Variants in IPO13 observed in about 807,000 individuals in gnomAD.
IPO13 encodes the protein importin 13.
In IPO13, 28 loss-of-function variants were observed where a neutral mutation model predicts 115.5. The observed-to-expected ratio is 0.24, with a 90% confidence interval of 0.18 to 0.33. IPO13 has a LOEUF of 0.33. Ranked by LOEUF, IPO13 falls within the 10% of genes least tolerant of loss-of-function variation. The pLI, the probability that IPO13 is intolerant of heterozygous loss-of-function variation, is 1.00. For synonymous variants in IPO13, 414 were observed against 478.9 expected (o/e 0.86, Z 1.77); for missense variants, 785 against 1,204.6 (o/e 0.65, Z 5.16).
At position 43,953,987 on chromosome 1, in the gene IPO13, G is replaced by A. The variant is rs550405454; in HGVS notation, c.822-2333G>A. Among the ~76,000 whole-genome samples, 6 of 152,194 alleles carry A rather than the reference G, an allele frequency of 3.9e-5. No homozygotes were observed. The East Asian group carries it at 7.7e-4, about 20-fold the overall frequency. On this transcript the variant is annotated intron_variant, in intron 2 of 19. Transcript: ENST00000372343. ...TGATATGATACTCTGAGCTCTTTGAGGCTGTATTATCCTTGATTTGTCCTA... is the reference window on the plus strand; with the variant it reads ...TGATATGATACTCTGAGCTCTTTGAAGCTGTATTATCCTTGATTTGTCCTA...
chr1:43,966,680 C>T lies in IPO13; in HGVS notation c.2464+39C>T, dbSNP rs769918236. 1.9e-5 allele frequency: 31 copies of T among 1,614,086 alleles called. No homozygotes were observed. The East Asian group carries it at 6.2e-4, about 32-fold the overall frequency. On this transcript the variant is annotated intron_variant, in intron 16 of 19. Transcript: ENST00000372343. The surrounding 1 kb of genome is among the most constrained non-coding windows in gnomAD (Gnocchi z 4.1). Reference sequence around the variant, plus strand: ...GATGGACAGGTGGGCCTGGGGCTCCCCTAGAAGGATCGTTAAACTGATCTG... The same window carrying T: ...GATGGACAGGTGGGCCTGGGGCTCCTCTAGAAGGATCGTTAAACTGATCTG...
rs1353489320 is a variant in IPO13, at chr1:43,960,464, G to A, written c.2109+135G>A. ...GGTGAATCCTGCCCCATAGAGATAA[G>A]GAATCTTTTGGGAAGACATTTAGAA... On this transcript the variant is annotated intron_variant, in intron 12 of 19. Transcript: ENST00000372343. The A allele has an allele frequency of 5.1e-6, 4 of 780,028 alleles. No homozygotes were observed. In the African/African-American group the frequency reaches 5.2e-5, roughly 10 times the overall value. The allele number at this position is 780,028 out of a possible 1,614,324, so 48.3% of individuals were successfully genotyped here. A position where few individuals can be genotyped will look rare whatever the true frequency, so the allele number is the denominator to read the frequency against.
chr1:43,966,830 C>G lies in IPO13; in HGVS notation c.2523+48C>G. Reference sequence around the variant, plus strand: ...ACCCACTGCCACCCCAGTGCCCTCCCCTGCCCAGGACTTCAGACAGTAGGG... The same window carrying G: ...ACCCACTGCCACCCCAGTGCCCTCCGCTGCCCAGGACTTCAGACAGTAGGG... On this transcript the variant is annotated intron_variant, in intron 17 of 19. Transcript: ENST00000372343. The surrounding 1 kb of genome is among the most constrained non-coding windows in gnomAD (Gnocchi z 4.1). The G allele has an allele frequency of 1.9e-6, 3 of 1,610,232 alleles. No individual in the cohort carries two copies. Among genetic ancestry groups the G allele is most frequent in the African/African-American group, 2.7e-5 (2 of 74,938 alleles).
chr1:43,946,963 G>A lies in IPO13; in HGVS notation c.-638G>A. 1 of 398,324 alleles carries A rather than the reference G, an allele frequency of 2.5e-6. No homozygotes were observed. 24.7% of individuals were successfully genotyped at this position (398,324 alleles called of 1,614,324 possible). On this transcript the variant is annotated 5_prime_UTR_variant, in exon 1 of 20. Transcript: ENST00000372343. ...CCGGCCGGCCTGGCTTGTCTTGTCA[G>A]TCACTGGGGCGGAGGCAGCGGCTGT...
chr1:43,951,327 G>T (rs1472328850), intron 2 of IPO13, among the ~76,000 whole-genome samples: 2 of 152,202 alleles, frequency 1.3e-5, no homozygotes, highest in Admixed American at 1.3e-4. Flanking sequence ...GATGGAGAAC[G>T]CAGGGGCCTT....
rs1159004832 is a variant in IPO13 at position 43,958,077 on chromosome 1, T to C, written c.1641T>C (p.Ser547=). The C allele has an allele frequency of 6.8e-6, 11 of 1,614,208 alleles. No individual in the cohort carries two copies. The highest frequency in any genetic ancestry group is 9.3e-6 in the Non-Finnish European group (11 of 1,180,038). Residue 547 remains serine, a synonymous_variant, in exon 8 of 20, where the codon TCT becomes TCC. Coordinates refer to ENST00000372343, the MANE Select transcript of IPO13 (RefSeq NM_014652.4). The surrounding 1 kb of genome is among the most constrained non-coding windows in gnomAD (Gnocchi z 6.3). ...GCAATCCTGAGCTGTCTGTCTCTTC[T>C]GTGTCCACCCTCAAGAAGATCTGCC... ...ALGNPELSVS[S]VSTLKKICRE... is the part of the protein sequence containing the mutation.
Position 43,956,556 on chromosome 1 carries a change from C to G in IPO13, c.963-4C>G. On this transcript the variant is annotated splice_polypyrimidine_tract_variant and splice_region_variant and intron_variant, in intron 3 of 19. Coordinates refer to ENST00000372343, the MANE Select transcript of IPO13 (RefSeq NM_014652.4). The surrounding 1 kb of genome is among the most constrained non-coding windows in gnomAD (Gnocchi z 4.7). The stretch of plus-strand genomic sequence containing the variant: ...AAGGTAGAATGACCTGACTCTCTCC[C>G]CAGGGCCTTGCTGGACCAAGTAGAG... 3 of 1,614,198 alleles carry G rather than the reference C, an allele frequency of 1.9e-6. No individual in the cohort carries two copies. The highest frequency in any genetic ancestry group is 2.5e-6 in the Non-Finnish European group (3 of 1,180,014).
rs2085289128 is a variant in IPO13, at chr1:43,961,338, GC to G, written c.2344+79del. ...CTTCCCCAAATGGGGAGCCAAAGCT[GC>G]CCACTCTGTTCTTCTCTGTCCCCTG... is the stretch of plus-strand genomic sequence containing the variant. On this transcript the variant is annotated intron_variant, in intron 14 of 19. Coordinates refer to ENST00000372343, the MANE Select transcript of IPO13 (RefSeq NM_014652.4). 2.5e-6 allele frequency: 3 copies of G among 1,188,856 alleles called. No individual in the cohort carries two copies. In the African/African-American group the frequency reaches 4.5e-5, roughly 18 times the overall value. 73.6% of individuals were successfully genotyped at this position (1,188,856 alleles called of 1,614,324 possible). A position where few individuals can be genotyped will look rare whatever the true frequency, so the allele number is the denominator to read the frequency against.
rs758606882 is a variant in IPO13, at chr1:43,957,326, A to G, written c.1392+11A>G. The G allele has an allele frequency of 6.2e-7, 1 of 1,613,684 alleles. No homozygotes were observed. Among genetic ancestry groups the G allele is most frequent in the South Asian group, 1.1e-5 (1 of 91,046 alleles). ...CCCTACTCCTGGCAGGTACCTCCCA[A>G]GCCTGATTCCCTCAGCCTTCCCAGA... On this transcript the variant is annotated intron_variant, in intron 6 of 19. Transcript: ENST00000372343.
At chr1:43,962,735 G>A (rs1008651654) in intron 14 of IPO13, among the ~76,000 whole-genome samples, 4 of 152,226 alleles carry the variant, frequency 2.6e-5, no homozygotes, top group African/African-American at 9.6e-5. Flanking sequence ...ATTTCTCTCT[G>A]AGGCAGAATT....
chr1:43,950,804 C>G (rs145348982), intron 2 of IPO13, among the ~76,000 whole-genome samples: 81 of 152,338 alleles, frequency 5.3e-4, no homozygotes, highest in African/African-American at 1.8e-3. Flanking sequence ...CTTGCCTCAG[C>G]TTAAACTTCA....
intron 15 of IPO13, among the ~76,000 whole-genome samples, chr1:43,964,544 G>C (rs1423298085): frequency 6.6e-6 from 1 of 152,140 alleles, no homozygotes; most frequent in Non-Finnish European, 1.5e-5. Flanking sequence ...CCAGGGAGAG[G>C]CTGATCCCAA....
intron 2 of IPO13, among the ~76,000 whole-genome samples, chr1:43,951,932 AC>A (rs2154302093): frequency 6.6e-6 from 1 of 152,298 alleles, no homozygotes; most frequent in African/African-American, 2.4e-5. Context: ...GATCATATCA[AC>A]CCCACAGAGT....
Position 43,967,756 on chromosome 1 carries a change from G to T in IPO13, c.*74G>T. The T allele has an allele frequency of 7.4e-7, 1 of 1,355,372 alleles. No individual in the cohort carries two copies. Among genetic ancestry groups the T allele is most frequent in the Admixed American group, 1.8e-5 (1 of 54,650 alleles). The allele number at this position is 1,355,372 out of a possible 1,614,324, so 84.0% of individuals were successfully genotyped here. ...CAAAGAGTAAACCTGGACCCTCACT[G>T]CTGTCTCTGCCTCCTTTCTGCTGTC... On this transcript the variant is annotated 3_prime_UTR_variant, in exon 20 of 20. Transcript: ENST00000372343. This position sits in a 1 kb window ranked among gnomAD's most constrained non-coding sequence, Gnocchi z 6.1.
At position 43,960,948 on chromosome 1, in the gene IPO13, T is replaced by C. The variant is rs2085285161; in HGVS notation, c.2182T>C (p.Cys728Arg). The C allele has an allele frequency of 6.2e-7, 1 of 1,614,094 alleles. No homozygotes were observed. The highest frequency in any genetic ancestry group is 8.5e-7 in the Non-Finnish European group (1 of 1,180,046). ...DDFAPMVPQL[C>R]EMLGRMYSTI... ...CTTTGCCCCCATGGTGCCACAGCTGTGTGAGATGCTGGGTCGGATGTACAG... is the reference window on the plus strand; with the variant it reads ...CTTTGCCCCCATGGTGCCACAGCTGCGTGAGATGCTGGGTCGGATGTACAG... The change falls in exon 13 of 20, where the codon TGT (cysteine) becomes CGT (arginine). Residue 728 changes from cysteine (C) to arginine (R), a missense_variant. Physicochemically the swap from Cys to Arg is radical, Grantham distance 180. This residue lies in a region of IPO13 where 285 missense variants were observed against 394.8 expected (regional missense o/e 0.72). Transcript: ENST00000372343.
chr1:43,960,081 G>T (rs2085279072), intron 11 of IPO13, among the ~76,000 whole-genome samples, 168 bp from the exon 12 acceptor site: 1 of 152,100 alleles, frequency 6.6e-6, no homozygotes. Context: ...ATTCATGAGA[G>T]AGTTCAGCAA....
chr1:43,961,822 T>C (rs2085292447), intron 14 of IPO13, among the ~76,000 whole-genome samples: 1 of 152,200 alleles, frequency 6.6e-6, no homozygotes, highest in Non-Finnish European at 1.5e-5. Context: ...CAGAGACTGT[T>C]GGTTCCTTTC....
At chr1:43,951,022 G>A (rs563236687) in intron 2 of IPO13, among the ~76,000 whole-genome samples, 1 of 152,292 alleles carries the variant, frequency 6.6e-6, no homozygotes, top group South Asian at 2.1e-4. Flanking sequence ...GAAAGTAGGA[G>A]TTGCCTGAGT....
chr1:43,952,804 G>A lies in IPO13; in HGVS notation c.821+2651G>A, dbSNP rs928739150. On this transcript the variant is annotated intron_variant, in intron 2 of 19. Transcript: ENST00000372343. This position sits in a 1 kb window ranked among gnomAD's most constrained non-coding sequence, Gnocchi z 4.7. The stretch of plus-strand genomic sequence containing the variant: ...AAGAGAATGTGAAGCTTTTAGCATG[G>A]TTCCTATATACTCTGTAAACGGCAG... Among the ~76,000 whole-genome samples, 1 of 152,204 alleles carries A rather than the reference G, an allele frequency of 6.6e-6. No homozygotes were observed. Among genetic ancestry groups the A allele is most frequent in the African/African-American group, 2.4e-5 (1 of 41,442 alleles).
Sources: allele counts gnomAD v4.1 joint callset (sites outside exome capture counted in the v4.1 genomes callset), GRCh38; gene constraint gnomAD v4.1.1; regional missense constraint gnomAD v4.1.1; non-coding constraint Gnocchi (gnomAD v3.1); transcripts MANE v1.5; gene names NCBI Gene and HGNC (gene_info 2026-07-23, HGNC 2026-07-21).